The following ZSCAN25 variants were observed in gnomAD, a reference collection of about 807,000 sequenced individuals.
ZSCAN25 encodes zinc finger and SCAN domain containing 25, also known as zinc finger and SCAN domain-containing protein 25.
A neutral mutation model predicts 38.7 loss-of-function variants in ZSCAN25; 27 were observed. The ratio of observed to expected loss-of-function variants is 0.70; its 90% CI spans 0.51 to 0.96. ZSCAN25 has a LOEUF of 0.96. ZSCAN25 is among the 40% of genes least tolerant of loss of function. The pLI is 0.00. For synonymous variants in ZSCAN25, 273 were observed against 277.7 expected, an observed-to-expected ratio of 0.98 and a Z score of 0.17; for missense variants, 637 against 705.9, an observed-to-expected ratio of 0.90 and a Z score of 1.11.
At chr7:99,732,669 A>G in the ZSCAN25 span, among the ~76,000 whole-genome samples, 8 of 152,294 alleles carry the variant, frequency 5.3e-5, no homozygotes, top group Non-Finnish European at 1.0e-4. Flanking sequence ...AGAAAAGTTG[A>G]TGGAAGAGGT....
chr7:99,706,302 C>T, the ZSCAN25 span, among the ~76,000 whole-genome samples: 2 of 152,130 alleles, frequency 1.3e-5, no homozygotes, highest in African/African-American at 2.4e-5. Flanking sequence ...CCATGGAGAT[C>T]CAGAAGTGCC....
At chr7:99,683,711 G>A in the ZSCAN25 span, among the ~76,000 whole-genome samples, 69 of 152,026 alleles carry the variant, frequency 4.5e-4, 1 homozygote, top group East Asian at 0.011. Context: ...CCTCTGTGTC[G>A]ACATTTTCTC....
chr7:99,618,117 C>G (rs1156727941), intron 1 of ZSCAN25: 3 of 152,230 alleles, frequency 2.0e-5, no homozygotes, highest in African/African-American at 7.2e-5. Context: ...GGTGATCTTT[C>G]CGTTTTCTGA....
chr7:99,702,979 C>T, the ZSCAN25 span, among the ~76,000 whole-genome samples: 1 of 151,982 alleles, frequency 6.6e-6, no homozygotes, highest in Non-Finnish European at 1.5e-5. Context: ...TAAGTTAATT[C>T]TTAGGTATTT....
At chr7:99,647,097 G>C in the ZSCAN25 span, among the ~76,000 whole-genome samples, 1 of 152,136 alleles carries the variant, frequency 6.6e-6, no homozygotes, top group Non-Finnish European at 1.5e-5. Flanking sequence ...CTTCTATGTA[G>C]CCAACTCTCA....
the ZSCAN25 span, among the ~76,000 whole-genome samples, chr7:99,728,373 G>A: frequency 3.3e-5 from 5 of 151,806 alleles, no homozygotes; most frequent in Admixed American, 1.3e-4. Flanking sequence ...TACTTATACC[G>A]AACCCCATGA....
chr7:99,621,851 C>T (rs1806995823), intron 5 of ZSCAN25: 2 of 310,304 alleles, frequency 6.4e-6, no homozygotes, highest in Non-Finnish European at 1.2e-5. Context: ...AAGAAATATT[C>T]AGCTGACTTG....
the ZSCAN25 span, among the ~76,000 whole-genome samples, chr7:99,660,966 A>G: frequency 1.3e-5 from 2 of 152,150 alleles, no homozygotes; most frequent in Non-Finnish European, 2.9e-5. Flanking sequence ...ACTCAGTGTT[A>G]TGGGTGTGTG....
chr7:99,708,116 A>G, the ZSCAN25 span: 1 of 1,165,960 alleles, frequency 8.6e-7, no homozygotes, highest in Non-Finnish European at 1.2e-6. Context: ...AAATCCTGCT[A>G]TGCATATTTT....
At chr7:99,734,341 G>T in the ZSCAN25 span, among the ~76,000 whole-genome samples, 2 of 152,154 alleles carry the variant, frequency 1.3e-5, no homozygotes, top group African/African-American at 2.4e-5. Flanking sequence ...GCTCTAGGAT[G>T]CCAGGATCTC....
the ZSCAN25 span, among the ~76,000 whole-genome samples, chr7:99,707,280 T>C: frequency 6.6e-6 from 1 of 152,200 alleles, no homozygotes; most frequent in African/African-American, 2.4e-5. Flanking sequence ...TTTTCCACCT[T>C]GGCTTCACAT....
chr7:99,721,565 T>A, the ZSCAN25 span, among the ~76,000 whole-genome samples: 1 of 152,224 alleles, frequency 6.6e-6, no homozygotes, highest in East Asian at 1.9e-4. Context: ...CAGAACGTGA[T>A]GCTGGGAGTC....
At chr7:99,659,340 A>C in the ZSCAN25 span, 1 of 152,606 alleles carries the variant, frequency 6.6e-6, no homozygotes, top group African/African-American at 2.4e-5. Context: ...CCGGAGGTCC[A>C]CTCCAGACCC....
the ZSCAN25 span, among the ~76,000 whole-genome samples, chr7:99,678,699 A>G: frequency 6.6e-6 from 1 of 152,258 alleles, no homozygotes; most frequent in Non-Finnish European, 1.5e-5. Flanking sequence ...AATTTAAACC[A>G]TATCAATTCA....
At chr7:99,731,719 T>TA in the ZSCAN25 span, among the ~76,000 whole-genome samples, 2 of 152,200 alleles carry the variant, frequency 1.3e-5, no homozygotes, top group East Asian at 3.9e-4. Context: ...TGGCCCTTCT[T>TA]AAACTGTCAT....
chr7:99,706,418 A>G, the ZSCAN25 span, among the ~76,000 whole-genome samples: 3 of 152,222 alleles, frequency 2.0e-5, no homozygotes, highest in Non-Finnish European at 4.4e-5. Flanking sequence ...GGATAGCTAC[A>G]TAGCTGGCCT....
At chr7:99,687,318 A>C in the ZSCAN25 span, among the ~76,000 whole-genome samples, 1 of 152,222 alleles carries the variant, frequency 6.6e-6, no homozygotes, top group African/African-American at 2.4e-5. Flanking sequence ...AATACAGAGA[A>C]GTCCTTAAAG....
chr7:99,629,728 T>G lies in ZSCAN25; in HGVS notation c.1343T>G (p.Val448Gly), dbSNP rs1268120012. ...TTCAGCCGCAGGCAGCACCTGCAGG[T>G]GCACCGGAGGACGCACACCGGGGAG... is the stretch of plus-strand genomic sequence containing the variant. The part of the protein sequence containing the change: ...KSFSRRQHLQ[V>G]HRRTHTGEKP... Residue 448 changes from valine (V) to glycine (G), a missense_variant, in exon 8 of 8, where the codon GTG (valine) becomes GGG (glycine). By Grantham distance (109) the Val-to-Gly change is moderately radical. Transcript: ENST00000394152. This position sits in a 1 kb window ranked among gnomAD's most constrained non-coding sequence, Gnocchi z 5.6. The G allele has an allele frequency of 6.2e-7, 1 of 1,613,938 alleles. No individual in the cohort carries two copies. Among genetic ancestry groups the G allele is most frequent in the East Asian group, 2.2e-5 (1 of 44,870 alleles).
the ZSCAN25 span, among the ~76,000 whole-genome samples, chr7:99,682,161 G>T: frequency 6.6e-6 from 1 of 152,048 alleles, no homozygotes; most frequent in Non-Finnish European, 1.5e-5. Context: ...GTAGACATGT[G>T]GTTTCACCAT....
Sources: gnomAD v4.1 joint callset for allele counts (sites outside exome capture counted in the v4.1 genomes callset) on GRCh38, gnomAD v4.1.1 for gene constraint, Gnocchi (gnomAD v3.1) non-coding constraint, MANE v1.5 for transcripts, NCBI Gene and HGNC (gene_info 2026-07-23, HGNC 2026-07-21) for gene names.